CYLD: variants seen among roughly 807,000 people sequenced by gnomAD.
CYLD encodes ubiquitin carboxyl-terminal hydrolase CYLD.
Under a neutral mutation model 104.5 loss-of-function variants are expected in CYLD, and 26 were observed. That is an observed-to-expected ratio of 0.25 (90% CI 0.18 to 0.35). The LOEUF (loss-of-function observed/expected upper bound fraction) is 0.35. Among genes scored for constraint, CYLD ranks in the 10% least tolerant of loss-of-function variants. CYLD has a pLI of 1.00. For synonymous variants in CYLD, 385 were observed against 399.9 expected (o/e 0.96, Z 0.45); for missense variants, 703 against 1,136.1 (o/e 0.62, Z 5.48).
intron 4 of CYLD, 68 bp from the exon 5 acceptor site, chr16:50,754,251 G>A: frequency 9.5e-7 from 1 of 1,049,030 alleles, no homozygotes; most frequent in East Asian, 2.4e-5. Flanking sequence ...GATTCTTTAT[G>A]GAAAATACAG....
At position 50,791,660 on chromosome 16, in the gene CYLD, T is replaced by C; in HGVS notation, c.2211T>C (p.Ser737=). The part of the protein sequence containing the change: ...VPTIQQLLEW[S]FINSNLKFAE... Reference sequence around the variant, plus strand: ...CAATTCAGCAGTTGTTAGAATGGTCTTTTATCAACAGTAACCTGAAATTTG... The same window carrying C: ...CAATTCAGCAGTTGTTAGAATGGTCCTTTATCAACAGTAACCTGAAATTTG... Residue 737 remains serine, a synonymous_variant, in exon 15 of 19, where the codon TCT becomes TCC. Transcript: ENST00000427738. 1 of 1,613,924 alleles carries C rather than the reference T, an allele frequency of 6.2e-7. No homozygotes were observed. The highest frequency in any genetic ancestry group is 8.5e-7 in the Non-Finnish European group (1 of 1,179,872).
At position 50,798,824 on chromosome 16, in the gene CYLD, C is replaced by G. The variant is rs746775343; in HGVS notation, c.*2316C>G. ...AAATGATTTCTGGCAACGTCTTCTT[C>G]AGGTGGAGCTTGACGTCTTTTTAAT... On this transcript the variant is annotated 3_prime_UTR_variant, in exon 19 of 19. Coordinates refer to ENST00000427738, the MANE Select transcript of CYLD (RefSeq NM_001378743.1). 4.7e-5 allele frequency: 11 copies of G among 233,440 alleles called. No individual in the cohort carries two copies. The highest frequency in any genetic ancestry group is 9.3e-5 in the Non-Finnish European group (11 of 118,064). The allele number at this position is 233,440 out of a possible 1,614,324, so 14.5% of individuals were successfully genotyped here. A position where few individuals can be genotyped will look rare whatever the true frequency, so the allele number is the denominator to read the frequency against.
At chr16:50,761,629 T>C (rs1353211532) in intron 5 of CYLD, among the ~76,000 whole-genome samples, 1 of 152,202 alleles carries the variant, frequency 6.6e-6, no homozygotes, top group Non-Finnish European at 1.5e-5. Flanking sequence ...TTATAAAATT[T>C]TTATGCTGTT....
At position 50,757,203 on chromosome 16, in the gene CYLD, T is replaced by G. The variant is rs1596994353; in HGVS notation, c.913+2779T>G. ...TTAAGGTTCCTTTTAGCGTGCACTG[T>G]TTGCGCTTCCTGTTTTCCTGTTGCT... On this transcript the variant is annotated intron_variant, in intron 5 of 18. Coordinates refer to ENST00000427738, the MANE Select transcript of CYLD (RefSeq NM_001378743.1). Among the ~76,000 whole-genome samples the G allele has an allele frequency of 5.3e-5, 8 of 152,216 alleles. No individual in the cohort carries two copies. The South Asian group carries it at 1.7e-3, about 32-fold the overall frequency.
intron 2 of CYLD, among the ~76,000 whole-genome samples, chr16:50,747,954 A>G (rs1190019772): frequency 6.6e-6 from 1 of 152,240 alleles, no homozygotes; most frequent in African/African-American, 2.4e-5. Flanking sequence ...ACTTTTAGGA[A>G]CGTTACCATT....
At chr16:50,742,242 G>A (rs1965728006) in intron 1 of CYLD, 118 bp downstream of exon 1, 2 of 151,178 alleles carry the variant, frequency 1.3e-5, no homozygotes, top group African/African-American at 2.4e-5. Flanking sequence ...GGCGGCTGGC[G>A]GCCGGCGGGC....
Position 50,755,112 on chromosome 16 carries a change from T to C in CYLD, c.913+688T>C, listed in dbSNP as rs937643498. On this transcript the variant is annotated intron_variant, in intron 5 of 18. Coordinates refer to ENST00000427738, the MANE Select transcript of CYLD (RefSeq NM_001378743.1). ...ATATATACATACATATATACACACA[T>C]ATACACATGTGTATATATACACACG... Among the ~76,000 whole-genome samples the C allele has an allele frequency of 3.9e-5, 5 of 127,846 alleles. 1 individual carries two copies. The highest frequency in any genetic ancestry group is 8.1e-5 in the Non-Finnish European group (5 of 61,530). 83.9% of individuals were successfully genotyped at this position (127,846 alleles called of 152,430 possible).
chr16:50,746,138 A>G (rs546070657), intron 2 of CYLD, among the ~76,000 whole-genome samples: 40 of 152,230 alleles, frequency 2.6e-4, no homozygotes, highest in African/African-American at 9.1e-4. Flanking sequence ...CCAGGGCTCA[A>G]GCCATCCTCC....
intron 5 of CYLD, among the ~76,000 whole-genome samples, chr16:50,765,512 A>G (rs78300022): frequency 0.041 from 6,213 of 152,186 alleles, 379 homozygotes; most frequent in African/African-American, 0.13. Flanking sequence ...TAATCCTACA[A>G]TGGCCTCTAA....
intron 5 of CYLD, among the ~76,000 whole-genome samples, chr16:50,767,143 A>G (rs762525240): frequency 1.3e-5 from 2 of 152,218 alleles, no homozygotes; most frequent in Non-Finnish European, 2.9e-5. Context: ...AGCAACCATC[A>G]CCGTGATCAG....
intron 7 of CYLD, among the ~76,000 whole-genome samples, chr16:50,776,897 T>G (rs1210817105): frequency 6.6e-6 from 1 of 152,204 alleles, no homozygotes; most frequent in Non-Finnish European, 1.5e-5. Flanking sequence ...CAATTTTGGC[T>G]CATTTAAAAG....
At chr16:50,787,676 T>C (rs1023313887) in intron 13 of CYLD, 110 bp from the exon 14 acceptor site, 4 of 631,222 alleles carry the variant, frequency 6.3e-6, no homozygotes, top group African/African-American at 5.6e-5. Flanking sequence ...TGAAATAATA[T>C]TGGATGAATG....
In CYLD at chr16:50,776,221, T is replaced by G; in HGVS notation, c.965T>G (p.Met322Arg). The G allele has an allele frequency of 1.2e-6, 2 of 1,613,638 alleles. No individual in the cohort carries two copies. The highest frequency in any genetic ancestry group is 8.5e-7 in the Non-Finnish European group (1 of 1,179,680). Residue 322 changes from methionine to arginine, a missense_variant, in exon 7 of 19, where the codon ATG becomes AGG. Around this residue, in one of 5 missense-constraint regions of CYLD, gnomAD observed 183 missense variants for 212.1 expected, o/e 0.86. Coordinates refer to ENST00000427738, the MANE Select transcript of CYLD (RefSeq NM_001378743.1). ...AGGAGGCCTCCCAAACTTGCCTTTATGTCAAGAGGTGTTGGGGACAAAGGT... is the reference window on the plus strand; with the variant it reads ...AGGAGGCCTCCCAAACTTGCCTTTAGGTCAAGAGGTGTTGGGGACAAAGGT... ...QERRPPKLAF[M>R]SRGVGDKGSS... is the part of the protein sequence containing the mutation.
intron 6 of CYLD, among the ~76,000 whole-genome samples, chr16:50,775,968 T>TATAGAA (rs547691316): frequency 3.3e-5 from 5 of 152,218 alleles, no homozygotes; most frequent in Non-Finnish European, 4.4e-5. Context: ...GGTATTTTCT[T>TATAGAA]ATAGAAATTA....
chr16:50,747,917 G>A (rs1966327126), intron 2 of CYLD, among the ~76,000 whole-genome samples: 1 of 152,172 alleles, frequency 6.6e-6, no homozygotes, highest in African/African-American at 2.4e-5. Context: ...TAAACCACAT[G>A]TCTCATGCTG....
chr16:50,758,965 G>A (rs536320412), intron 5 of CYLD, among the ~76,000 whole-genome samples: 9 of 152,290 alleles, frequency 5.9e-5, no homozygotes, highest in Admixed American at 3.9e-4. Flanking sequence ...TTGGCTGGGT[G>A]CAGTGGCTTA....
At chr16:50,761,272 C>T (rs1469237614) in intron 5 of CYLD, among the ~76,000 whole-genome samples, 1 of 152,112 alleles carries the variant, frequency 6.6e-6, no homozygotes, top group Non-Finnish European at 1.5e-5. Context: ...TGGTCACCCT[C>T]ATTTGTTTTT....
At position 50,797,842 on chromosome 16, in the gene CYLD, C is replaced by T. The variant is rs886315643; in HGVS notation, c.*1334C>T. 3.0e-5 allele frequency: 7 copies of T among 232,484 alleles called. No homozygotes were observed. Among genetic ancestry groups the T allele is most frequent in the African/African-American group, 1.3e-4 (6 of 45,304 alleles). The allele number at this position is 232,484 out of a possible 1,614,324, so 14.4% of individuals were successfully genotyped here. ...TTACTTTTTTAAAGGCACTTTTACT[C>T]TTTGGTTTTATCATTCCATTTTGCT... On this transcript the variant is annotated 3_prime_UTR_variant, in exon 19 of 19. Transcript: ENST00000427738.
In CYLD at chr16:50,751,872, A is replaced by G; in HGVS notation, c.773A>G (p.Lys258Arg). 1 of 1,612,502 alleles carries G rather than the reference A, an allele frequency of 6.2e-7. No individual in the cohort carries two copies. Among genetic ancestry groups the G allele is most frequent in the African/African-American group, 1.3e-5 (1 of 74,896 alleles). The change falls in exon 4 of 19, where the codon AAA becomes AGA. Residue 258 changes from lysine (K) to arginine (R), a missense_variant. Lys to Arg is a conservative substitution (Grantham distance 26, BLOSUM62 2). Around this residue, in one of 5 missense-constraint regions of CYLD, gnomAD observed 123 missense variants for 213.3 expected, o/e 0.58. Transcript: ENST00000427738. ...TVIFCDVLPG[K>R]ESLGYFVGVD... The stretch of plus-strand genomic sequence containing the variant: ...ATATTCTGTGATGTTTTGCCAGGAA[A>G]AGAAAGCTTAGGATATTTTGTTGGT...
Sources: allele counts gnomAD v4.1 joint callset (sites outside exome capture counted in the v4.1 genomes callset), GRCh38; gene constraint gnomAD v4.1.1; regional missense constraint gnomAD v4.1.1; transcripts MANE v1.5; gene names NCBI Gene and HGNC (gene_info 2026-07-23, HGNC 2026-07-21).